The following LASP1 variants were observed in gnomAD, a reference collection of about 807,000 sequenced individuals.
LASP1 encodes the protein LIM and SH3 domain protein 1.
A neutral mutation model predicts 38.6 loss-of-function variants in LASP1; 10 were observed. That is an observed-to-expected ratio of 0.26 (90% CI 0.16 to 0.44). LASP1 has a LOEUF of 0.44. LASP1 is among the 20% of genes least tolerant of loss of function. The pLI is 1.00. For missense variants in LASP1, 243 were observed against 375.7 expected, an observed-to-expected ratio of 0.65 and a Z score of 2.92; for synonymous variants, 132 against 140.8, an observed-to-expected ratio of 0.94 and a Z score of 0.44.
intron 2 of LASP1, among the ~76,000 whole-genome samples, chr17:38,880,843 C>T (rs978511519): frequency 5.3e-5 from 8 of 152,044 alleles, no homozygotes; most frequent in South Asian, 4.2e-4. Flanking sequence ...TAGTGGCTCA[C>T]GCCTGTAATC....
At chr17:38,883,009 C>T (rs1913998719) in intron 2 of LASP1, among the ~76,000 whole-genome samples, 1 of 152,104 alleles carries the variant, frequency 6.6e-6, no homozygotes, top group South Asian at 2.1e-4. Flanking sequence ...CCTTAGGCAT[C>T]AGATGGGAGT....
At chr17:38,888,927 A>G (rs1261426064) in intron 2 of LASP1, among the ~76,000 whole-genome samples, 1 of 152,186 alleles carries the variant, frequency 6.6e-6, no homozygotes, top group Non-Finnish European at 1.5e-5. Flanking sequence ...TAAGTTCAGC[A>G]TGAACTGAAG....
chr17:38,877,968 C>A, intron 1 of LASP1, 118 bp from the exon 2 acceptor site: 1 of 712,954 alleles, frequency 1.4e-6, no homozygotes. Context: ...TCCATGTTCT[C>A]CCCACAGCCA....
intron 3 of LASP1, among the ~76,000 whole-genome samples, chr17:38,890,712 G>C (rs1004631612): frequency 6.6e-6 from 1 of 152,168 alleles, no homozygotes; most frequent in Admixed American, 6.5e-5. Flanking sequence ...ACCTAGAGGG[G>C]GTTGGAGAGG....
intron 4 of LASP1, among the ~76,000 whole-genome samples, chr17:38,911,700 C>A (rs1481712610): frequency 6.6e-6 from 1 of 152,190 alleles, no homozygotes; most frequent in African/African-American, 2.4e-5. Flanking sequence ...CTGGCCAGGG[C>A]TGGCTCCCTC....
At chr17:38,899,561 C>T (rs1171551689) in intron 4 of LASP1, among the ~76,000 whole-genome samples, 1 of 152,096 alleles carries the variant, frequency 6.6e-6, no homozygotes, top group African/African-American at 2.4e-5. Context: ...ATTTCAGAAG[C>T]ACAGGCAGCC....
chr17:38,919,029 G>C lies in LASP1; in HGVS notation c.*251G>C, dbSNP rs2143840376. 4 of 256,702 alleles carry C rather than the reference G, an allele frequency of 1.6e-5. No individual in the cohort carries two copies. Among genetic ancestry groups the C allele is most frequent in the Non-Finnish European group, 2.7e-5 (4 of 150,606 alleles). 15.9% of individuals were successfully genotyped at this position (256,702 alleles called of 1,614,324 possible). A position where few individuals can be genotyped will look rare whatever the true frequency, so the allele number is the denominator to read the frequency against. On this transcript the variant is annotated 3_prime_UTR_variant, in exon 7 of 7. Transcript: ENST00000318008. ...GATGGAACGGGCATGGGCCTCTCTG[G>C]GGGAGGCAGGGCTGGAATGGGAGAC...
At chr17:38,902,449 C>T (rs967954525) in intron 4 of LASP1, among the ~76,000 whole-genome samples, 8 of 149,356 alleles carry the variant, frequency 5.4e-5, no homozygotes, top group East Asian at 3.9e-4. Flanking sequence ...TTAAGTGATC[C>T]GCCCACCTCG....
intron 2 of LASP1, among the ~76,000 whole-genome samples, chr17:38,880,851 A>T (rs1417421874): frequency 6.6e-6 from 1 of 151,994 alleles, no homozygotes; most frequent in African/African-American, 2.4e-5. Flanking sequence ...CACGCCTGTA[A>T]TCCCAGCACT....
intron 3 of LASP1, among the ~76,000 whole-genome samples, chr17:38,895,963 G>C (rs564669654): frequency 1.1e-4 from 17 of 152,326 alleles, no homozygotes; most frequent in Admixed American, 9.1e-4. Context: ...TCTCCCAGAA[G>C]TGGGGTCCTC....
At chr17:38,904,396 C>T (rs1332061581) in intron 4 of LASP1, 1 of 152,038 alleles carries the variant, frequency 6.6e-6, no homozygotes, top group East Asian at 1.9e-4. Flanking sequence ...AGTTCAAGAC[C>T]AGCCTGGCCA....
rs538093195 is a variant in LASP1, at chr17:38,892,647, G to A, written c.249+2143G>A. Among the ~76,000 whole-genome samples the A allele has an allele frequency of 2.0e-5, 3 of 152,192 alleles. No homozygotes were observed. In the East Asian group the frequency reaches 5.8e-4, roughly 29 times the overall value. ...GCCTTTGTCAGTTCCACAAAAGCGT[G>A]GCTGCAGCTCTTTTTGCCCCGGCAC... On this transcript the variant is annotated intron_variant, in intron 3 of 6. Transcript: ENST00000318008.
chr17:38,876,808 T>C (rs1913792879), intron 1 of LASP1, among the ~76,000 whole-genome samples: 1 of 151,582 alleles, frequency 6.6e-6, no homozygotes, highest in Non-Finnish European at 1.5e-5. Flanking sequence ...GTTCACGCCA[T>C]TCTCCTGCCT....
intron 4 of LASP1, 118 bp downstream of exon 4, chr17:38,898,637 G>A: frequency 2.6e-6 from 2 of 763,566 alleles, no homozygotes; most frequent in Non-Finnish European, 4.5e-6. Flanking sequence ...CACTACCCCT[G>A]CCCTCCAGGG....
At chr17:38,916,124 C>T (rs569872167) in intron 6 of LASP1, 1 of 152,430 alleles carries the variant, frequency 6.6e-6, no homozygotes, top group Middle Eastern at 3.4e-3. Context: ...ATAAAGCCAC[C>T]TCTCTGCCCT....
At chr17:38,900,541 C>T (rs887018285) in intron 4 of LASP1, among the ~76,000 whole-genome samples, 1 of 152,040 alleles carries the variant, frequency 6.6e-6, no homozygotes, top group African/African-American at 2.4e-5. Flanking sequence ...GGCGTGGTGG[C>T]GTGTGCCTGT....
intron 1 of LASP1, 50 bp downstream of exon 1, chr17:38,870,308 G>A (rs1433793896): frequency 6.3e-7 from 1 of 1,594,342 alleles, no homozygotes; most frequent in Non-Finnish European, 8.6e-7. Context: ...GCAGTGCTCC[G>A]AATCCAGGGA....
At chr17:38,895,461 C>T (rs971667178) in intron 3 of LASP1, among the ~76,000 whole-genome samples, 3 of 151,834 alleles carry the variant, frequency 2.0e-5, no homozygotes, top group East Asian at 1.9e-4. Flanking sequence ...GCTGGGATTA[C>T]GCCCACCACG....
chr17:38,919,531 A>C lies in LASP1; in HGVS notation c.*753A>C. Reference sequence around the variant, plus strand: ...GACAGCTACCGGAAGGAGGGGAACAAGGAGTTCTCTTCCGCAGCCCCTTTC... The same window carrying C: ...GACAGCTACCGGAAGGAGGGGAACACGGAGTTCTCTTCCGCAGCCCCTTTC... On this transcript the variant is annotated 3_prime_UTR_variant, in exon 7 of 7. Coordinates refer to ENST00000318008, the MANE Select transcript of LASP1 (RefSeq NM_006148.4). 4.1e-6 allele frequency: 1 copy of C among 246,524 alleles called. No individual in the cohort carries two copies. Among genetic ancestry groups the C allele is most frequent in the African/African-American group, 2.2e-5 (1 of 45,854 alleles). The allele number at this position is 246,524 out of a possible 1,614,324, so 15.3% of individuals were successfully genotyped here.
Sources: gnomAD v4.1 joint callset for allele counts (sites outside exome capture counted in the v4.1 genomes callset) on GRCh38, gnomAD v4.1.1 for gene constraint, MANE v1.5 for transcripts, NCBI Gene and HGNC (gene_info 2026-07-23, HGNC 2026-07-21) for gene names.